TSGA10: variants seen among roughly 807,000 people sequenced by gnomAD.
The protein encoded by TSGA10 is testis-specific gene 10 protein.
TSGA10 carries 43 observed loss-of-function variants against 96.6 expected under a neutral mutation model. The ratio of observed to expected loss-of-function variants is 0.44; its 90% CI spans 0.35 to 0.57. The LOEUF (loss-of-function observed/expected upper bound fraction) is 0.57, where lower values mean the gene tolerates loss of function less well. Ranked by LOEUF, TSGA10 falls within the 20% of genes least tolerant of loss-of-function variation. The pLI is 0.01. For missense variants in TSGA10, 703 were observed against 834.4 expected, an observed-to-expected ratio of 0.84 and a Z score of 1.94; for synonymous variants, 229 against 269.9, an observed-to-expected ratio of 0.85 and a Z score of 1.48.
chr2:99,114,726 A>G (rs13022329), intron 4 of TSGA10, among the ~76,000 whole-genome samples: 1 of 151,820 alleles, frequency 6.6e-6, no homozygotes, highest in African/African-American at 2.4e-5. Context: ...TTCCTTTTGA[A>G]AGCAGAGAAT....
At chr2:99,116,278 G>A (rs12613624) in intron 4 of TSGA10, among the ~76,000 whole-genome samples, 77,256 of 151,938 alleles carry the variant, frequency 0.51, 21,554 homozygotes, top group Middle Eastern at 0.7. Flanking sequence ...TCAGCCATTA[G>A]GCAGCAATGG....
At chr2:99,130,544 G>C (rs1277540784) in intron 1 of TSGA10, among the ~76,000 whole-genome samples, 1 of 152,158 alleles carries the variant, frequency 6.6e-6, no homozygotes, top group Non-Finnish European at 1.5e-5. Flanking sequence ...CAGATGGGTA[G>C]ATTGCAAATA....
At chr2:99,034,215 C>T (rs973456828) in intron 17 of TSGA10, among the ~76,000 whole-genome samples, 1 of 151,820 alleles carries the variant, frequency 6.6e-6, no homozygotes, top group Non-Finnish European at 1.5e-5. Context: ...CCAGCCTGGC[C>T]AACATGGTGA....
intron 16 of TSGA10, among the ~76,000 whole-genome samples, chr2:99,044,359 A>AAT (rs1211889970): frequency 1.3e-5 from 2 of 151,704 alleles, no homozygotes; most frequent in Non-Finnish European, 2.9e-5. Context: ...AGCAAAAAAA[A>AAT]AAAAAAAAAT....
At chr2:99,000,897 G>A (rs563443438) in intron 20 of TSGA10, among the ~76,000 whole-genome samples, 1 of 152,286 alleles carries the variant, frequency 6.6e-6, no homozygotes, top group South Asian at 2.1e-4. Flanking sequence ...AGATCGAACT[G>A]CGAGGTGGCA....
chr2:99,024,379 C>T (rs142249547), intron 17 of TSGA10, among the ~76,000 whole-genome samples: 3 of 152,224 alleles, frequency 2.0e-5, no homozygotes, highest in East Asian at 1.9e-4. Context: ...TAAGCCACCG[C>T]GTCTGGCCGT....
chr2:99,087,523 T>C (rs917769784), intron 10 of TSGA10, among the ~76,000 whole-genome samples: 7 of 151,752 alleles, frequency 4.6e-5, no homozygotes, highest in Admixed American at 6.6e-5. Flanking sequence ...AAATAAAAAA[T>C]AAAATTTTTT....
chr2:99,062,947 G>T (rs1196779004), intron 16 of TSGA10, among the ~76,000 whole-genome samples: 2 of 152,262 alleles, frequency 1.3e-5, no homozygotes, highest in Non-Finnish European at 2.9e-5. Context: ...TCTGAGACAG[G>T]TTAATAAGGA....
chr2:99,059,144 C>G (rs1424237561), intron 16 of TSGA10, among the ~76,000 whole-genome samples: 1 of 148,962 alleles, frequency 6.7e-6, no homozygotes, highest in Non-Finnish European at 1.5e-5. Context: ...CCTTGCACCA[C>G]GAGTGCAGCC....
intron 4 of TSGA10, among the ~76,000 whole-genome samples, chr2:99,112,721 G>A (rs555552505): frequency 6.6e-6 from 1 of 151,652 alleles, no homozygotes; most frequent in East Asian, 2.0e-4. Flanking sequence ...AGTGAGGGAA[G>A]GGGAAAGGAA....
intron 20 of TSGA10, among the ~76,000 whole-genome samples, chr2:99,006,974 G>A (rs1372557004): frequency 1.3e-5 from 2 of 152,124 alleles, no homozygotes; most frequent in African/African-American, 2.4e-5. Flanking sequence ...CATAAAAAAT[G>A]AGCTTATGTC....
intron 4 of TSGA10, chr2:99,117,141 C>T (rs1426844184): frequency 1.3e-5 from 2 of 152,090 alleles, no homozygotes; most frequent in Non-Finnish European, 2.9e-5. Flanking sequence ...GATCACATGG[C>T]AGTTCTATTT....
chr2:99,140,021 TCC>T (rs2093472388), intron 1 of TSGA10, among the ~76,000 whole-genome samples: 1 of 152,138 alleles, frequency 6.6e-6, no homozygotes. Context: ...AGAAAAGATC[TCC>T]CAGAGAATCT....
chr2:99,069,783 A>G (rs1235795038), intron 14 of TSGA10, among the ~76,000 whole-genome samples: 1 of 152,170 alleles, frequency 6.6e-6, no homozygotes, highest in Non-Finnish European at 1.5e-5. Flanking sequence ...CATTAAGTGA[A>G]TCATGCAGTA....
At chr2:99,111,930 C>T (rs1379102372) in intron 4 of TSGA10, among the ~76,000 whole-genome samples, 2 of 152,066 alleles carry the variant, frequency 1.3e-5, no homozygotes, top group Non-Finnish European at 2.9e-5. Flanking sequence ...TATACGCAGA[C>T]ATCCTACATA....
rs984605685 is a variant in TSGA10 at position 99,109,454 on chromosome 2, G to C, written c.-15C>G. The stretch of plus-strand genomic sequence containing the variant: ...CTTCGCATCATCTTTCTCAAATGTT[G>C]AGCTTCACTCTTATAGTGATCTTTG... On this transcript the variant is annotated 5_prime_UTR_variant, in exon 6 of 21. Coordinates refer to ENST00000393483, the MANE Select transcript of TSGA10 (RefSeq NM_025244.4). 17 of 1,613,674 alleles carry C rather than the reference G, an allele frequency of 1.1e-5. No homozygotes were observed. Among genetic ancestry groups the C allele is most frequent in the African/African-American group, 1.3e-5 (1 of 74,902 alleles).
chr2:99,141,076 C>T (rs2093525476), intron 1 of TSGA10: 1 of 1,283,178 alleles, frequency 7.8e-7, no homozygotes, highest in Non-Finnish European at 1.0e-6. Flanking sequence ...ACCTCCGCAG[C>T]TTCTACCTGG....
At chr2:99,078,271 GAAAAAAAAAA>G (rs200891345) in intron 12 of TSGA10, among the ~76,000 whole-genome samples, 2 of 81,470 alleles carry the variant, frequency 2.5e-5, no homozygotes, top group Non-Finnish European at 5.0e-5. Context: ...ACTCCCGTTT[GAAAAAAAAAA>G]AAAAAAAAAA....
chr2:99,043,055 T>G (rs1167421175), intron 16 of TSGA10, among the ~76,000 whole-genome samples: 1 of 152,084 alleles, frequency 6.6e-6, no homozygotes, highest in African/African-American at 2.4e-5. Flanking sequence ...CCAGATGTCA[T>G]AATTAACAAG....
Sources: gnomAD v4.1 joint callset for allele counts (sites outside exome capture counted in the v4.1 genomes callset) on GRCh38, gnomAD v4.1.1 for gene constraint, MANE v1.5 for transcripts, NCBI Gene and HGNC (gene_info 2026-07-23, HGNC 2026-07-21) for gene names.